The following STX8 variants were observed in gnomAD, a reference collection of about 807,000 sequenced individuals.
STX8 encodes syntaxin-8.
In STX8, 23 loss-of-function variants were observed where a neutral mutation model predicts 37.5. That is an observed-to-expected ratio of 0.61 (90% CI 0.44 to 0.87). STX8 has a LOEUF of 0.87. Ranked by LOEUF, STX8 falls within the 40% of genes least tolerant of loss-of-function variation. The pLI, the probability that STX8 is intolerant of heterozygous loss-of-function variation, is 0.00. For missense variants in STX8, 313 were observed against 284.7 expected (o/e 1.10, Z -0.71); for synonymous variants, 115 against 99.1 (o/e 1.16, Z -0.95).
intron 7 of STX8, among the ~76,000 whole-genome samples, chr17:9,331,822 C>T (rs1909971278): frequency 6.6e-6 from 1 of 151,974 alleles, no homozygotes; most frequent in African/African-American, 2.4e-5. Context: ...TTTGCTTTCT[C>T]ATTAGAAATG....
At chr17:9,363,175 C>T (rs1449687855) in intron 7 of STX8, among the ~76,000 whole-genome samples, 2 of 152,146 alleles carry the variant, frequency 1.3e-5, no homozygotes, top group Non-Finnish European at 1.5e-5. Context: ...TGGCAAAATA[C>T]ATATAATGTA....
chr17:9,328,317 G>T (rs371845503), intron 7 of STX8, among the ~76,000 whole-genome samples: 50 of 152,202 alleles, frequency 3.3e-4, no homozygotes, highest in African/African-American at 1.2e-3. Context: ...CTGTCTTGGG[G>T]AAAAGGGAAG....
At chr17:9,457,366 C>T (rs185276949) in intron 6 of STX8, among the ~76,000 whole-genome samples, 2 of 152,296 alleles carry the variant, frequency 1.3e-5, no homozygotes, top group Admixed American at 1.3e-4. Context: ...TGGCTTGTGG[C>T]CCCTTCTATC....
intron 7 of STX8, among the ~76,000 whole-genome samples, chr17:9,258,157 G>C (rs995429548): frequency 2.0e-5 from 3 of 152,160 alleles, no homozygotes; most frequent in Admixed American, 6.5e-5. Flanking sequence ...TGGCAGTTGT[G>C]CCTGTCAATA....
rs376942941 is a variant in STX8 at position 9,417,265 on chromosome 17, G to A, written c.542-38612C>T. On this transcript the variant is annotated intron_variant, in intron 6 of 7. Coordinates refer to ENST00000306357, the MANE Select transcript of STX8 (RefSeq NM_004853.3). ...TCTGTGTAGTGGGCAAAAAGAACACGTTAGATGATTACAGAGTTAGGGCCA... is the reference window on the plus strand; with the variant it reads ...TCTGTGTAGTGGGCAAAAAGAACACATTAGATGATTACAGAGTTAGGGCCA... Among the ~76,000 whole-genome samples the A allele has an allele frequency of 5.9e-5, 9 of 152,216 alleles. No homozygotes were observed. In the South Asian group the frequency reaches 6.2e-4, roughly 11 times the overall value.
intron 5 of STX8, among the ~76,000 whole-genome samples, chr17:9,492,247 T>C (rs538211781): frequency 1.3e-5 from 2 of 152,240 alleles, no homozygotes; most frequent in South Asian, 4.2e-4. Flanking sequence ...ATTTTTTAAA[T>C]CAGCAGAGGA....
In STX8 at chr17:9,250,580, A is replaced by T; in HGVS notation, c.709T>A (p.Ter237ArgextTer3). ...IVVVAVWPTN* is the reference protein window; with the variant it reads ...IVVVAVWPTNR ...TGCTGGTGGTCTCTTTACTGCCATC[A>T]GTTGGTCGGCCAGACTGCAACAACC... The change falls in exon 8 of 8, where the codon TGA becomes AGA. Residue 237 changes from the stop codon to arginine (R), a stop_lost. Transcript: ENST00000306357. 6.3e-7 allele frequency: 1 copy of T among 1,592,258 alleles called. No individual in the cohort carries two copies. The highest frequency in any genetic ancestry group is 8.6e-7 in the Non-Finnish European group (1 of 1,169,448).
intron 6 of STX8, among the ~76,000 whole-genome samples, chr17:9,448,589 G>A (rs569356478): frequency 3.4e-4 from 52 of 150,970 alleles, no homozygotes; most frequent in Non-Finnish European, 6.8e-4. Flanking sequence ...TCAAGCTGTT[G>A]CCCAGGAGTT....
At chr17:9,498,757 T>C (rs8069193) in intron 5 of STX8, among the ~76,000 whole-genome samples, 152,091 of 152,314 alleles carry the variant, frequency 1, 75,935 homozygotes, top group Middle Eastern at 1. Flanking sequence ...CTATAGAAAA[T>C]TCATAAGACT....
At chr17:9,467,213 T>C (rs1421342418) in intron 6 of STX8, 1 of 152,180 alleles carries the variant, frequency 6.6e-6, no homozygotes, top group Non-Finnish European at 1.5e-5. Context: ...TTAACTCATT[T>C]GATCCTCACA....
At chr17:9,376,718 C>T (rs1043421795) in intron 7 of STX8, among the ~76,000 whole-genome samples, 2 of 152,208 alleles carry the variant, frequency 1.3e-5, no homozygotes, top group Non-Finnish European at 2.9e-5. Flanking sequence ...GACCACGAAC[C>T]CACCGGAAGG....
intron 6 of STX8, among the ~76,000 whole-genome samples, chr17:9,380,182 T>C (rs1338255029): frequency 6.6e-6 from 1 of 151,966 alleles, no homozygotes; most frequent in African/African-American, 2.4e-5. Context: ...AATGATTATT[T>C]CTAGATGGTG....
In STX8 at chr17:9,250,558, T is replaced by C. The variant is rs750110094; in HGVS notation, c.*20A>G. The C allele has an allele frequency of 1.3e-5, 21 of 1,579,210 alleles. No homozygotes were observed. Among genetic ancestry groups the C allele is most frequent in the Non-Finnish European group, 1.6e-5 (19 of 1,161,852 alleles). ...ATCTGTCATTGGCAGGTGTCACTGCTGGTGGTCTCTTTACTGCCATCAGTT... is the reference window on the plus strand; with the variant it reads ...ATCTGTCATTGGCAGGTGTCACTGCCGGTGGTCTCTTTACTGCCATCAGTT... On this transcript the variant is annotated 3_prime_UTR_variant, in exon 8 of 8. Transcript: ENST00000306357.
At chr17:9,268,144 C>T (rs1008911047) in intron 7 of STX8, among the ~76,000 whole-genome samples, 2 of 152,092 alleles carry the variant, frequency 1.3e-5, no homozygotes, top group Non-Finnish European at 2.9e-5. Flanking sequence ...AAGGATATTG[C>T]TGCAGTGAGA....
At chr17:9,333,638 C>T (rs1229718216) in intron 7 of STX8, among the ~76,000 whole-genome samples, 1 of 152,230 alleles carries the variant, frequency 6.6e-6, no homozygotes, top group Non-Finnish European at 1.5e-5. Flanking sequence ...ATCCGCCCGC[C>T]TTGGCCTCCC....
intron 6 of STX8, among the ~76,000 whole-genome samples, chr17:9,389,244 C>T (rs1250436917): frequency 6.6e-6 from 1 of 152,190 alleles, no homozygotes; most frequent in Non-Finnish European, 1.5e-5. Flanking sequence ...ACTCTGCAGA[C>T]CAGGCACTAC....
At position 9,388,887 on chromosome 17, in the gene STX8, G is replaced by A. The variant is rs547178474; in HGVS notation, c.542-10234C>T. ...CCTCCCCCATCTAATGATATCATTT[G>A]TATTTTTTCATGTAGCTACAAAGTC... On this transcript the variant is annotated intron_variant, in intron 6 of 7. Transcript: ENST00000306357. 1.3e-5 allele frequency among the ~76,000 whole-genome samples: 2 copies of A among 149,516 alleles called. 1 individual carries two copies. Among genetic ancestry groups the A allele is most frequent in the East Asian group, 3.9e-4 (2 of 5,094 alleles).
intron 7 of STX8, among the ~76,000 whole-genome samples, chr17:9,375,814 C>T (rs1443191146): frequency 6.6e-6 from 1 of 152,158 alleles, no homozygotes; most frequent in Non-Finnish European, 1.5e-5. Flanking sequence ...AGGTCTATAT[C>T]TCTATTATCC....
intron 6 of STX8, among the ~76,000 whole-genome samples, chr17:9,440,418 C>T (rs1303955313): frequency 6.6e-6 from 1 of 152,136 alleles, no homozygotes; most frequent in African/African-American, 2.4e-5. Context: ...CTCATTGTCA[C>T]CATCTTAGTT....
Sources: gnomAD v4.1 joint callset for allele counts (sites outside exome capture counted in the v4.1 genomes callset) on GRCh38, gnomAD v4.1.1 for gene constraint, MANE v1.5 for transcripts, NCBI Gene and HGNC (gene_info 2026-07-23, HGNC 2026-07-21) for gene names.